The following HECTD2 variants were observed in gnomAD, a reference collection of about 807,000 sequenced individuals.
The protein encoded by HECTD2 is probable E3 ubiquitin-protein ligase HECTD2.
A neutral mutation model predicts 103.2 loss-of-function variants in HECTD2; 35 were observed. The ratio of observed to expected loss-of-function variants is 0.34; its 90% CI spans 0.26 to 0.45. The LOEUF (loss-of-function observed/expected upper bound fraction) is 0.45. Ranked by LOEUF, HECTD2 falls within the 20% of genes least tolerant of loss-of-function variation. The probability of loss-of-function intolerance (pLI) is 1.00; values close to 1 mark genes in which losing one functional copy is unlikely to be tolerated. For synonymous variants in HECTD2, 281 were observed against 329.9 expected (o/e 0.85, Z 1.61); for missense variants, 596 against 937.4 (o/e 0.64, Z 4.76).
intron 8 of HECTD2, 100 bp from the exon 9 acceptor site, chr10:91,484,407 C>A: frequency 6.8e-7 from 1 of 1,466,168 alleles, no homozygotes; most frequent in Middle Eastern, 1.8e-4. Flanking sequence ...GGGGAATAGT[C>A]TAAAATTTTG....
intron 5 of HECTD2, among the ~76,000 whole-genome samples, chr10:91,474,200 A>G (rs373894169): frequency 2.9e-4 from 44 of 152,212 alleles, no homozygotes; most frequent in Non-Finnish European, 5.3e-4. Flanking sequence ...ACTGGAGAGT[A>G]GGGGAATGGG....
intron 20 of HECTD2, among the ~76,000 whole-genome samples, chr10:91,506,421 A>G (rs1279553392): frequency 1.3e-5 from 2 of 151,148 alleles, no homozygotes; most frequent in African/African-American, 2.4e-5. Context: ...AATAGATGCA[A>G]TAAAAAATGA....
intron 5 of HECTD2, among the ~76,000 whole-genome samples, chr10:91,465,885 C>A (rs1407770337): frequency 6.6e-6 from 1 of 152,058 alleles, no homozygotes; most frequent in African/African-American, 2.4e-5. Flanking sequence ...AGGTATTGAT[C>A]TATACTTTTC....
chr10:91,491,292 C>T lies in HECTD2; in HGVS notation c.1284C>T (p.Ser428=), dbSNP rs747086860. 1.0e-5 allele frequency: 15 copies of T among 1,479,130 alleles called. No homozygotes were observed. Among genetic ancestry groups the T allele is most frequent in the Admixed American group, 5.3e-5 (3 of 56,244 alleles). The allele number at this position is 1,479,130 out of a possible 1,614,324, so 91.6% of individuals were successfully genotyped here. ...AAGTAAGACGGACACATCTGGTTAG[C>T]GATTCACTTGATGAGGTATAATTTA... ...NMKVRRTHLV[S]DSLDELTRKR... Residue 428 remains serine, a synonymous_variant, in exon 12 of 21, where the codon AGC becomes AGT. Coordinates refer to ENST00000298068, the MANE Select transcript of HECTD2 (RefSeq NM_182765.6).
chr10:91,454,287 T>G (rs532900426), intron 2 of HECTD2, among the ~76,000 whole-genome samples: 1 of 152,228 alleles, frequency 6.6e-6, no homozygotes, highest in African/African-American at 2.4e-5. Flanking sequence ...ATAAAACAAC[T>G]GAAATTTTGA....
rs769256007 is a variant in HECTD2, at chr10:91,498,867, A to G, written c.1756-5A>G. The G allele has an allele frequency of 9.0e-6, 14 of 1,549,668 alleles. No individual in the cohort carries two copies. Among genetic ancestry groups the G allele is most frequent in the African/African-American group, 8.2e-5 (6 of 73,218 alleles). On this transcript the variant is annotated splice_polypyrimidine_tract_variant and splice_region_variant and intron_variant, in intron 16 of 20. Transcript: ENST00000298068. Reference sequence around the variant, plus strand: ...ATTAATATGTGTAATGGCATCTCCCATCAGGTTTTTCAAGAAGAATTTGGA... The same window carrying G: ...ATTAATATGTGTAATGGCATCTCCCGTCAGGTTTTTCAAGAAGAATTTGGA...
rs1338263387 is a variant in HECTD2 at position 91,496,358 on chromosome 10, T to C, written c.1666T>C (p.Cys556Arg). ...GICNVTVDDL[C>R]QIMPELAHGL... is the part of the protein sequence containing the mutation. ...CTGCAATGTTACCGTGGACGACTTA[T>C]GTCAAATTATGCCTGTAAGTATAAA... The change falls in exon 15 of 21, where the codon TGT (cysteine) becomes CGT (arginine). Residue 556 changes from cysteine to arginine, a missense_variant. By Grantham distance (180) the Cys-to-Arg change is radical. Transcript: ENST00000298068. 6.2e-7 allele frequency: 1 copy of C among 1,609,204 alleles called. No individual in the cohort carries two copies. Among genetic ancestry groups the C allele is most frequent in the South Asian group, 1.1e-5 (1 of 90,254 alleles).
intron 1 of HECTD2, among the ~76,000 whole-genome samples, chr10:91,422,478 T>C (rs1843396752): frequency 6.6e-6 from 1 of 152,194 alleles, no homozygotes; most frequent in South Asian, 2.1e-4. Context: ...GTGTCCAATT[T>C]GGCATTTGTT....
intron 14 of HECTD2, 70 bp from the exon 15 acceptor site, chr10:91,496,136 AAAATAGAC>A (rs1846654398): frequency 1.0e-6 from 1 of 955,488 alleles, no homozygotes; most frequent in South Asian, 2.1e-5. Context: ...AAGTATGCAA[AAAATAGAC>A]TGATGCATAA....
intron 2 of HECTD2, among the ~76,000 whole-genome samples, chr10:91,425,892 C>T (rs915469180): frequency 2.6e-5 from 4 of 151,610 alleles, no homozygotes; most frequent in Non-Finnish European, 5.9e-5. Context: ...AACGATATAA[C>T]ATAGGTAAAA....
chr10:91,410,387 A>T lies in HECTD2; in HGVS notation c.-52A>T. The stretch of plus-strand genomic sequence containing the variant: ...CGGCGGCAGCAGCAGCGCCAGCCCC[A>T]GCAACACTGAGGCCGCCGCCGCCGC... On this transcript the variant is annotated 5_prime_UTR_variant, in exon 1 of 21. Coordinates refer to ENST00000298068, the MANE Select transcript of HECTD2 (RefSeq NM_182765.6). 1 of 1,253,360 alleles carries T rather than the reference A, an allele frequency of 8.0e-7. No homozygotes were observed. Among genetic ancestry groups the T allele is most frequent in the Non-Finnish European group, 1.0e-6 (1 of 983,774 alleles). 77.6% of individuals were successfully genotyped at this position (1,253,360 alleles called of 1,614,324 possible). A position where few individuals can be genotyped will look rare whatever the true frequency, so the allele number is the denominator to read the frequency against.
chr10:91,424,748 A>C (rs1044455460), intron 1 of HECTD2, among the ~76,000 whole-genome samples: 2 of 152,110 alleles, frequency 1.3e-5, no homozygotes, highest in African/African-American at 4.8e-5. Flanking sequence ...TTCTAAAAAA[A>C]AATTCTGGTA....
intron 2 of HECTD2, among the ~76,000 whole-genome samples, chr10:91,438,350 A>G (rs370545106): frequency 7.9e-5 from 12 of 151,864 alleles, no homozygotes; most frequent in Non-Finnish European, 1.6e-4. Flanking sequence ...TTCTATTCCT[A>G]TGTTAGTTTG....
chr10:91,426,205 A>T (rs1296197980), intron 2 of HECTD2, among the ~76,000 whole-genome samples: 1 of 152,026 alleles, frequency 6.6e-6, no homozygotes, highest in Non-Finnish European at 1.5e-5. Context: ...AGAATTGTGT[A>T]TATATTATTA....
chr10:91,444,199 A>T (rs1290157779), intron 2 of HECTD2, among the ~76,000 whole-genome samples: 1 of 152,140 alleles, frequency 6.6e-6, no homozygotes, highest in African/African-American at 2.4e-5. Context: ...TTAAATACAA[A>T]CAGATTCATT....
At chr10:91,412,668 ATGTGTGTG>A (rs58691011) in intron 1 of HECTD2, among the ~76,000 whole-genome samples, 42 of 147,264 alleles carry the variant, frequency 2.9e-4, no homozygotes, top group African/African-American at 1.0e-4. Context: ...CTGTGGCAGA[ATGTGTGTG>A]TGTGTGTGTG....
At chr10:91,457,547 C>T (rs527588606) in intron 2 of HECTD2, among the ~76,000 whole-genome samples, 81 of 151,974 alleles carry the variant, frequency 5.3e-4, no homozygotes, top group Non-Finnish European at 1.0e-3. Flanking sequence ...TACTAACATG[C>T]TAAGAATGAT....
chr10:91,456,191 T>G (rs1164185848), intron 2 of HECTD2, among the ~76,000 whole-genome samples: 1 of 152,228 alleles, frequency 6.6e-6, no homozygotes, highest in Non-Finnish European at 1.5e-5. Context: ...ACAATATTGA[T>G]TCTTCCTATC....
Position 91,498,891 on chromosome 10 carries a change from G to A in HECTD2, c.1775G>A (p.Gly592Glu). 6.3e-7 allele frequency: 1 copy of A among 1,598,394 alleles called. No individual in the cohort carries two copies. Among genetic ancestry groups the A allele is most frequent in the South Asian group, 1.1e-5 (1 of 89,460 alleles). ...STFQVFQEEF[G>E]IIKSYNLKPG... ...CATCAGGTTTTTCAAGAAGAATTTG[G>A]AATAATCAAGTCCTATAATTTAAAG... The change falls in exon 17 of 21, where the codon GGA (glycine) becomes GAA (glutamate). Residue 592 changes from glycine to glutamate, a missense_variant. Around this residue, in one of 4 missense-constraint regions of HECTD2, gnomAD observed 303 missense variants for 522.5 expected, o/e 0.58. Transcript: ENST00000298068.
Sources: allele counts gnomAD v4.1 joint callset (sites outside exome capture counted in the v4.1 genomes callset), GRCh38; gene constraint gnomAD v4.1.1; regional missense constraint gnomAD v4.1.1; transcripts MANE v1.5; gene names NCBI Gene and HGNC (gene_info 2026-07-23, HGNC 2026-07-21).